MTUS2: variants seen among roughly 807,000 people sequenced by gnomAD.
MTUS2 encodes microtubule-associated tumor suppressor candidate 2.
MTUS2 carries 40 observed loss-of-function variants against 114.1 expected under a neutral mutation model. That is an observed-to-expected ratio of 0.35 (90% CI 0.27 to 0.46). The LOEUF (loss-of-function observed/expected upper bound fraction) is 0.46. MTUS2 is among the 20% of genes least tolerant of loss of function. The probability of loss-of-function intolerance (pLI) is 1.00; values close to 1 mark genes in which losing one functional copy is unlikely to be tolerated. For missense variants in MTUS2, 1,679 were observed against 1,705.4 expected (o/e 0.98, Z 0.27); for synonymous variants, 688 against 672.0 (o/e 1.02, Z -0.37).
chr13:29,144,265 C>G (rs954687407), intron 5 of MTUS2, among the ~76,000 whole-genome samples: 1 of 152,126 alleles, frequency 6.6e-6, no homozygotes, highest in African/African-American at 2.4e-5. Context: ...GGTCAGGAGT[C>G]TGAGCGTGAC....
chr13:29,387,076 G>C (rs763567579), intron 8 of MTUS2, among the ~76,000 whole-genome samples: 1 of 152,218 alleles, frequency 6.6e-6, no homozygotes, highest in Non-Finnish European at 1.5e-5. Context: ...ACTGGGGATT[G>C]AATTGGGGGG....
At chr13:29,363,006 C>T (rs1280228963) in intron 8 of MTUS2, among the ~76,000 whole-genome samples, 1 of 152,196 alleles carries the variant, frequency 6.6e-6, no homozygotes, top group East Asian at 1.9e-4. Flanking sequence ...AGCTCTGCCC[C>T]TGCAGCAAGG....
intron 7 of MTUS2, among the ~76,000 whole-genome samples, chr13:29,356,783 TG>T (rs571946845): frequency 1.3e-5 from 2 of 152,218 alleles, no homozygotes; most frequent in East Asian, 3.9e-4. Context: ...CAACCAACTT[TG>T]TTTCTCAGCT....
At chr13:28,829,467 G>A (rs1185205082) in intron 1 of MTUS2, among the ~76,000 whole-genome samples, 1 of 152,058 alleles carries the variant, frequency 6.6e-6, no homozygotes, top group Non-Finnish European at 1.5e-5. Context: ...GGGAGGTGGA[G>A]GTTGCAGTGA....
At chr13:29,301,697 C>T (rs973186936) in intron 6 of MTUS2, among the ~76,000 whole-genome samples, 1 of 152,206 alleles carries the variant, frequency 6.6e-6, no homozygotes, top group Non-Finnish European at 1.5e-5. Context: ...ACACCAACTT[C>T]ATTTGTTAAT....
intron 5 of MTUS2, among the ~76,000 whole-genome samples, chr13:29,178,461 T>A (rs1300241865): frequency 6.6e-6 from 1 of 152,148 alleles, no homozygotes; most frequent in African/African-American, 2.4e-5. Context: ...AAGCAGAGTT[T>A]TTAAACCTTA....
intron 5 of MTUS2, among the ~76,000 whole-genome samples, chr13:29,275,064 A>G (rs940133589): frequency 6.6e-6 from 1 of 152,162 alleles, no homozygotes; most frequent in African/African-American, 2.4e-5. Flanking sequence ...TTTGTATACC[A>G]GACCGTTATC....
chr13:29,428,671 C>G (rs1247178194), intron 8 of MTUS2: 1 of 1,180,160 alleles, frequency 8.5e-7, no homozygotes, highest in African/African-American at 1.7e-5. Context: ...TCTCATTCCT[C>G]TGCCTCCTGG....
chr13:29,347,577 C>G (rs1174825053), intron 7 of MTUS2, among the ~76,000 whole-genome samples: 3 of 151,906 alleles, frequency 2.0e-5, no homozygotes, highest in Non-Finnish European at 4.4e-5. Flanking sequence ...TGACACGACA[C>G]GTGTGGGGTT....
intron 5 of MTUS2, among the ~76,000 whole-genome samples, chr13:29,207,570 T>C (rs1724233848): frequency 6.6e-6 from 1 of 152,208 alleles, no homozygotes; most frequent in Admixed American, 6.5e-5. Flanking sequence ...CTGTCATAGA[T>C]GGCTTTTATT....
intron 2 of MTUS2, among the ~76,000 whole-genome samples, chr13:28,890,948 A>G (rs1205729126): frequency 6.6e-6 from 1 of 152,172 alleles, no homozygotes; most frequent in Non-Finnish European, 1.5e-5. Flanking sequence ...ATCAGAGACC[A>G]ACTCTAATCT....
rs781664174 is a variant in MTUS2, at chr13:29,480,381, G to A, written c.3399+17G>A. 3.1e-5 allele frequency: 46 copies of A among 1,498,926 alleles called. No individual in the cohort carries two copies. The Admixed American group carries it at 3.1e-4, about 10-fold the overall frequency. The allele number at this position is 1,498,926 out of a possible 1,614,324, so 92.9% of individuals were successfully genotyped here. On this transcript the variant is annotated intron_variant, in intron 10 of 15. Transcript: ENST00000612955. This position sits in a 1 kb window ranked among gnomAD's most constrained non-coding sequence, Gnocchi z 4.4. ...CAGGAGCAGGTCAGTCTGCAGTGCGGCTCGAGCTCTGCTGTTGGGTGATGC... is the reference window on the plus strand; with the variant it reads ...CAGGAGCAGGTCAGTCTGCAGTGCGACTCGAGCTCTGCTGTTGGGTGATGC...
intron 1 of MTUS2, among the ~76,000 whole-genome samples, chr13:28,821,264 C>G (rs1285988367): frequency 6.6e-6 from 1 of 152,028 alleles, no homozygotes; most frequent in Non-Finnish European, 1.5e-5. Context: ...GCTTGAGGTA[C>G]CCTTTTAAGA....
chr13:29,503,366 C>T lies in MTUS2; in HGVS notation c.*160C>T, dbSNP rs1340554371. ...CCTCTGATCCCCGTGTAAGACTGCCCTGGTGTCGGCACTTAGGAATGTGTA... is the reference window on the plus strand; with the variant it reads ...CCTCTGATCCCCGTGTAAGACTGCCTTGGTGTCGGCACTTAGGAATGTGTA... On this transcript the variant is annotated 3_prime_UTR_variant, in exon 16 of 16. Transcript: ENST00000612955. 2.8e-6 allele frequency: 2 copies of T among 713,492 alleles called. No individual in the cohort carries two copies. Among genetic ancestry groups the T allele is most frequent in the African/African-American group, 1.8e-5 (1 of 56,102 alleles). The allele number at this position is 713,492 out of a possible 1,614,324, so 44.2% of individuals were successfully genotyped here. A position where few individuals can be genotyped will look rare whatever the true frequency, so the allele number is the denominator to read the frequency against.
Position 29,026,140 on chromosome 13 carries a change from C to T in MTUS2, c.1442C>T (p.Thr481Met), listed in dbSNP as rs576095515. 39 of 1,613,956 alleles carry T rather than the reference C, an allele frequency of 2.4e-5. No homozygotes were observed. Among genetic ancestry groups the T allele is most frequent in the Admixed American group, 2.0e-4 (12 of 60,026 alleles). ...VFNPSVGENK[T>M]EVPEPLDPQS... ...AATCCTTCTGTTGGAGAGAACAAGACGGAGGTGCCTGAGCCCCTGGACCCT... is the reference window on the plus strand; with the variant it reads ...AATCCTTCTGTTGGAGAGAACAAGATGGAGGTGCCTGAGCCCCTGGACCCT... Residue 481 changes from threonine (T) to methionine (M), a missense_variant, in exon 3 of 16, where the codon ACG becomes ATG. Physicochemically the swap from Thr to Met is moderately conservative, Grantham distance 81. Coordinates refer to ENST00000612955, the MANE Select transcript of MTUS2 (RefSeq NM_001033602.4).
intron 14 of MTUS2, among the ~76,000 whole-genome samples, chr13:29,500,488 G>C (rs1882813649): frequency 1.3e-5 from 2 of 152,196 alleles, no homozygotes; most frequent in South Asian, 4.1e-4. Flanking sequence ...GGGAGTAACA[G>C]CCATGGGATG....
At chr13:29,270,360 G>A (rs544826099) in intron 5 of MTUS2, among the ~76,000 whole-genome samples, 234 of 152,226 alleles carry the variant, frequency 1.5e-3, no homozygotes, top group African/African-American at 5.4e-3. Flanking sequence ...GGTCTCAGAC[G>A]CGGTGGACAG....
At position 29,069,755 on chromosome 13, in the gene MTUS2, C is replaced by T. The variant is rs536307452; in HGVS notation, c.2447-31018C>T. 5.9e-5 allele frequency among the ~76,000 whole-genome samples: 9 copies of T among 152,276 alleles called. No individual in the cohort carries two copies. In the South Asian group the frequency reaches 8.3e-4, roughly 14 times the overall value. On this transcript the variant is annotated intron_variant, in intron 4 of 15. Transcript: ENST00000612955. ...CTAATTCGAAGAGATTTAGCTGAAG[C>T]GTATGGCCCTTGCAATGACCTGATT...
intron 11 of MTUS2, 114 bp from the exon 12 acceptor site, chr13:29,492,532 T>TA: frequency 1.4e-6 from 1 of 731,236 alleles, no homozygotes; most frequent in Middle Eastern, 3.1e-4. Context: ...TTGAATCTGC[T>TA]ATACGGGAGT....
Sources: allele counts gnomAD v4.1 joint callset (sites outside exome capture counted in the v4.1 genomes callset), GRCh38; gene constraint gnomAD v4.1.1; non-coding constraint Gnocchi (gnomAD v3.1); transcripts MANE v1.5; gene names NCBI Gene and HGNC (gene_info 2026-07-23, HGNC 2026-07-21).